Variants in PPP1R16B observed in about 807,000 individuals in gnomAD.
PPP1R16B encodes protein phosphatase 1 regulatory inhibitor subunit 16B.
In PPP1R16B, 14 loss-of-function variants were observed where a neutral mutation model predicts 61.7. The observed-to-expected ratio is 0.23, with a 90% confidence interval of 0.15 to 0.35. The LOEUF is 0.35. Among genes scored for constraint, PPP1R16B ranks in the 10% least tolerant of loss-of-function variants. The pLI, the probability that PPP1R16B is intolerant of heterozygous loss-of-function variation, is 1.00. For synonymous variants in PPP1R16B, 266 were observed against 305.3 expected (o/e 0.87, Z 1.34); for missense variants, 547 against 752.5 (o/e 0.73, Z 3.19).
chr20:38,861,793 C>T (rs776712242), intron 2 of PPP1R16B, among the ~76,000 whole-genome samples: 4 of 151,590 alleles, frequency 2.6e-5, no homozygotes, highest in Non-Finnish European at 4.4e-5. Context: ...TCTCTTGCCT[C>T]GGCCTCCCGA....
Position 38,806,206 on chromosome 20 carries a change from C to A in PPP1R16B, c.-102+414C>A, listed in dbSNP as rs1159422452. ...AGCCACAGCGGACACCAAACAACCC[C>A]CCCCCGCGCACTCTCCCGGCCGGGC... On this transcript the variant is annotated intron_variant, in intron 1 of 10. Coordinates refer to ENST00000299824, the MANE Select transcript of PPP1R16B (RefSeq NM_015568.4). This position sits in a 1 kb window ranked among gnomAD's most constrained non-coding sequence, Gnocchi z 4.5. Among the ~76,000 whole-genome samples, 1 of 152,098 alleles carries A rather than the reference C, an allele frequency of 6.6e-6. No homozygotes were observed. The highest frequency in any genetic ancestry group is 1.5e-5 in the Non-Finnish European group (1 of 67,984).
Position 38,895,742 on chromosome 20 carries a change from C to G in PPP1R16B, c.467+32C>G, listed in dbSNP as rs1042329980. ...GCCCCTCCCTGCCCCAGAGCAGCCT[C>G]CCTCCACCTCTTGTCTTTTTCCAAC... On this transcript the variant is annotated intron_variant, in intron 4 of 10. Transcript: ENST00000299824. 3 of 1,593,658 alleles carry G rather than the reference C, an allele frequency of 1.9e-6. No individual in the cohort carries two copies. In the African/African-American group the frequency reaches 4.0e-5, roughly 21 times the overall value.
intron 2 of PPP1R16B, among the ~76,000 whole-genome samples, chr20:38,853,769 G>T (rs1441001672): frequency 6.6e-6 from 1 of 152,206 alleles, no homozygotes; most frequent in Non-Finnish European, 1.5e-5. Flanking sequence ...CACTCATGAG[G>T]CTACAGGTAG....
chr20:38,860,971 G>A (rs989968049), intron 2 of PPP1R16B, among the ~76,000 whole-genome samples: 2 of 152,178 alleles, frequency 1.3e-5, no homozygotes, highest in Non-Finnish European at 2.9e-5. Context: ...TCCTCCCACT[G>A]GGAGTATCCG....
At chr20:38,917,569 C>T (rs2085552618) in intron 10 of PPP1R16B, among the ~76,000 whole-genome samples, 1 of 152,114 alleles carries the variant, frequency 6.6e-6, no homozygotes, top group Non-Finnish European at 1.5e-5. Flanking sequence ...GTGAGATATG[C>T]TTCATATACA....
chr20:38,901,178 C>A (rs759496722), intron 5 of PPP1R16B, among the ~76,000 whole-genome samples: 1 of 152,148 alleles, frequency 6.6e-6, no homozygotes, highest in Admixed American at 6.5e-5. Flanking sequence ...CGTGCCCCAG[C>A]ACCCCACAGA....
At chr20:38,889,988 A>G (rs1434923071) in intron 3 of PPP1R16B, among the ~76,000 whole-genome samples, 1 of 152,194 alleles carries the variant, frequency 6.6e-6, no homozygotes, top group African/African-American at 2.4e-5. Flanking sequence ...GCACATTCAC[A>G]CTTATCAGGA....
chr20:38,840,231 C>T (rs919757681), intron 2 of PPP1R16B, among the ~76,000 whole-genome samples: 1 of 152,188 alleles, frequency 6.6e-6, no homozygotes, highest in African/African-American at 2.4e-5. Context: ...TGGGAGGCTG[C>T]CGGGGTGTTA....
At chr20:38,840,612 C>T (rs568200473) in intron 2 of PPP1R16B, among the ~76,000 whole-genome samples, 6 of 152,324 alleles carry the variant, frequency 3.9e-5, no homozygotes, top group East Asian at 3.9e-4. Flanking sequence ...GCTTTGAGTC[C>T]AGCGTGATCT....
intron 2 of PPP1R16B, chr20:38,838,485 G>A (rs1410962721): frequency 6.6e-6 from 1 of 152,340 alleles, no homozygotes; most frequent in Non-Finnish European, 1.5e-5. Flanking sequence ...CCACTCTGCT[G>A]GGAGCTGCTC....
chr20:38,915,979 C>G (rs1436476294), intron 10 of PPP1R16B, among the ~76,000 whole-genome samples: 1 of 150,968 alleles, frequency 6.6e-6, no homozygotes, highest in Non-Finnish European at 1.5e-5. Flanking sequence ...ACATACACAT[C>G]AAAGTTTGAG....
intron 5 of PPP1R16B, 72 bp from the exon 6 acceptor site, chr20:38,902,596 C>T (rs902394686): frequency 4.8e-5 from 76 of 1,595,106 alleles, no homozygotes; most frequent in Middle Eastern, 1.7e-4. Flanking sequence ...ATGCCTCCCT[C>T]ATCTGCCTTC....
At chr20:38,899,672 T>C (rs2085376406) in intron 4 of PPP1R16B, among the ~76,000 whole-genome samples, 1 of 152,186 alleles carries the variant, frequency 6.6e-6, no homozygotes, top group African/African-American at 2.4e-5. Context: ...TTTCTGCATA[T>C]GGGCAAAAAA....
intron 2 of PPP1R16B, among the ~76,000 whole-genome samples, chr20:38,884,606 A>G (rs1026515683): frequency 2.4e-4 from 36 of 152,214 alleles, no homozygotes; most frequent in African/African-American, 7.0e-4. Flanking sequence ...GTCAGTCCCA[A>G]TGAAGGTCAT....
At chr20:38,811,250 C>G (rs2084698840) in intron 1 of PPP1R16B, among the ~76,000 whole-genome samples, 1 of 152,062 alleles carries the variant, frequency 6.6e-6, no homozygotes, top group African/African-American at 2.4e-5. Flanking sequence ...GACCACAGAC[C>G]CTCCCTGTTT....
At chr20:38,832,896 C>T (rs996415294) in intron 1 of PPP1R16B, among the ~76,000 whole-genome samples, 7 of 144,122 alleles carry the variant, frequency 4.9e-5, no homozygotes, top group Admixed American at 1.4e-4. Flanking sequence ...CCAGCCTGGG[C>T]GACAGAGCGA....
intron 2 of PPP1R16B, among the ~76,000 whole-genome samples, chr20:38,875,015 G>T (rs982766998): frequency 1.3e-5 from 2 of 152,186 alleles, no homozygotes; most frequent in Non-Finnish European, 2.9e-5. Flanking sequence ...CTTATCGCAG[G>T]CTTGTTAGAT....
intron 1 of PPP1R16B, among the ~76,000 whole-genome samples, chr20:38,808,360 C>A (rs1444661010): frequency 6.6e-6 from 1 of 152,078 alleles, no homozygotes; most frequent in African/African-American, 2.4e-5. Context: ...ATCCCCCCAA[C>A]CTTTCCCTCC....
intron 2 of PPP1R16B, among the ~76,000 whole-genome samples, chr20:38,887,025 G>T (rs2085249822): frequency 1.3e-5 from 2 of 152,122 alleles, no homozygotes; most frequent in Admixed American, 1.3e-4. Context: ...TTTAAGCTGA[G>T]ACCTAAAGGA....
Sources: gnomAD v4.1 joint callset for allele counts (sites outside exome capture counted in the v4.1 genomes callset) on GRCh38, gnomAD v4.1.1 for gene constraint, Gnocchi (gnomAD v3.1) non-coding constraint, MANE v1.5 for transcripts, NCBI Gene and HGNC (gene_info 2026-07-23, HGNC 2026-07-21) for gene names.